FRMD3: variants seen among roughly 807,000 people sequenced by gnomAD.
FRMD3 encodes FERM domain-containing protein 3.
In FRMD3, 33 loss-of-function variants were observed where a neutral mutation model predicts 70.2. That is an observed-to-expected ratio of 0.47 (90% CI 0.36 to 0.63). The LOEUF is 0.63. Among genes scored for constraint, FRMD3 ranks in the 20% least tolerant of loss-of-function variants. The pLI is 0.00. For synonymous variants in FRMD3, 279 were observed against 255.9 expected (o/e 1.09, Z -0.86); for missense variants, 632 against 711.4 (o/e 0.89, Z 1.27).
At chr9:83,548,632 T>C in the FRMD3 span, among the ~76,000 whole-genome samples, 1 of 152,154 alleles carries the variant, frequency 6.6e-6, no homozygotes, top group South Asian at 2.1e-4. Context: ...TATTATTCTG[T>C]ATAATACTCC....
At chr9:83,334,263 A>G (rs1322514471) in intron 6 of FRMD3, among the ~76,000 whole-genome samples, 1 of 152,238 alleles carries the variant, frequency 6.6e-6, no homozygotes, top group African/African-American at 2.4e-5. Context: ...TTAGGAGACA[A>G]TACTCTAAAA....
At chr9:83,517,719 A>G (rs1829486158) in intron 1 of FRMD3, among the ~76,000 whole-genome samples, 1 of 152,176 alleles carries the variant, frequency 6.6e-6, no homozygotes, top group Admixed American at 6.5e-5. Flanking sequence ...CCTTATGAAC[A>G]TTGATGCGAA....
chr9:83,344,824 A>AGTGTGTGT (rs35538787), intron 4 of FRMD3, among the ~76,000 whole-genome samples: 6,223 of 143,964 alleles, frequency 0.043, 145 homozygotes, highest in Middle Eastern at 0.11. Flanking sequence ...TGCATGTGTG[A>AGTGTGTGT]GTGTGTGTGT....
At chr9:83,335,398 A>T in intron 6 of FRMD3, 118 bp downstream of exon 6, 1 of 1,111,076 alleles carries the variant, frequency 9.0e-7, no homozygotes, top group Non-Finnish European at 1.3e-6. Context: ...GCTGCCACGC[A>T]AAACAGCCTA....
At chr9:83,253,910 A>G (rs1278673918) in intron 13 of FRMD3, among the ~76,000 whole-genome samples, 1 of 152,222 alleles carries the variant, frequency 6.6e-6, no homozygotes, top group Non-Finnish European at 1.5e-5. Context: ...TGTGGCACAT[A>G]TACACCATGG....
At chr9:83,532,516 A>C (rs1363756224) in intron 1 of FRMD3, among the ~76,000 whole-genome samples, 1 of 151,784 alleles carries the variant, frequency 6.6e-6, no homozygotes, top group African/African-American at 2.4e-5. Context: ...ACATCTTACT[A>C]AACTCTCATG....
chr9:83,382,026 A>T (rs2131280650), intron 2 of FRMD3, among the ~76,000 whole-genome samples: 1 of 152,308 alleles, frequency 6.6e-6, no homozygotes, highest in Non-Finnish European at 1.5e-5. Context: ...TCAAAAAAAA[A>T]ATGATAGTTT....
At chr9:83,381,113 C>A (rs1024059808) in intron 2 of FRMD3, among the ~76,000 whole-genome samples, 1 of 152,194 alleles carries the variant, frequency 6.6e-6, no homozygotes, top group Non-Finnish European at 1.5e-5. Flanking sequence ...GATTATAAGG[C>A]TATAGCGAGG....
chr9:83,518,633 A>G (rs1428775486), intron 1 of FRMD3, among the ~76,000 whole-genome samples: 39 of 152,216 alleles, frequency 2.6e-4, no homozygotes, highest in Admixed American at 2.6e-3. Flanking sequence ...GAATTAGAAA[A>G]AACTACTTTA....
At chr9:83,329,812 AC>A (rs1410615446) in intron 6 of FRMD3, among the ~76,000 whole-genome samples, 5 of 152,162 alleles carry the variant, frequency 3.3e-5, no homozygotes, top group African/African-American at 1.2e-4. Context: ...ATGACCTATG[AC>A]TGAAGTTAAT....
downstream of FRMD3, among the ~76,000 whole-genome samples, chr9:83,243,985 G>A (rs2118429359): frequency 6.6e-6 from 1 of 152,212 alleles, no homozygotes; most frequent in East Asian, 1.9e-4. Context: ...AAAATTAGCT[G>A]GATGTGGTGG....
At chr9:83,436,583 T>C (rs910120684) in intron 1 of FRMD3, among the ~76,000 whole-genome samples, 2 of 151,896 alleles carry the variant, frequency 1.3e-5, no homozygotes, top group East Asian at 3.9e-4. Context: ...AAAAAAAATG[T>C]TGCTTATAAA....
chr9:83,518,957 G>C (rs1311215972), intron 1 of FRMD3, among the ~76,000 whole-genome samples: 2 of 152,076 alleles, frequency 1.3e-5, no homozygotes, highest in African/African-American at 4.8e-5. Context: ...ACCTGAAACT[G>C]GACCCCTTCC....
intron 3 of FRMD3, among the ~76,000 whole-genome samples, chr9:83,361,806 G>A (rs1177828870): frequency 6.6e-6 from 1 of 152,116 alleles, no homozygotes; most frequent in African/African-American, 2.4e-5. Context: ...GAAACATAGG[G>A]AGGCACCATG....
In FRMD3 at chr9:83,349,135, C is replaced by T. The variant is rs117349226; in HGVS notation, c.374+544G>A. On this transcript the variant is annotated intron_variant, in intron 4 of 13. Coordinates refer to ENST00000304195, the MANE Select transcript of FRMD3 (RefSeq NM_174938.6). ...AAGGAAGCCAAACCCCCAGAAGGTACGCTGAAGCTGTAGCCCCAACAGAGG... is the reference window on the plus strand; with the variant it reads ...AAGGAAGCCAAACCCCCAGAAGGTATGCTGAAGCTGTAGCCCCAACAGAGG... 6.7e-3 allele frequency among the ~76,000 whole-genome samples: 1,017 copies of T among 152,240 alleles called. 6 individuals carry two copies. Among genetic ancestry groups the T allele is most frequent in the Non-Finnish European group, 9.6e-3 (653 of 68,010 alleles).
intron 1 of FRMD3, among the ~76,000 whole-genome samples, chr9:83,526,349 A>G (rs1438825083): frequency 6.6e-6 from 1 of 152,226 alleles, no homozygotes; most frequent in East Asian, 1.9e-4. Flanking sequence ...CTGGAATGGC[A>G]TCGCCATTAC....
At chr9:83,569,790 T>A in the FRMD3 span, among the ~76,000 whole-genome samples, 2 of 152,246 alleles carry the variant, frequency 1.3e-5, no homozygotes, top group Non-Finnish European at 2.9e-5. Context: ...TAATTTAATA[T>A]ATACTTCAGC....
At chr9:83,451,054 G>A (rs980074264) in intron 1 of FRMD3, among the ~76,000 whole-genome samples, 5 of 152,030 alleles carry the variant, frequency 3.3e-5, no homozygotes, top group African/African-American at 7.3e-5. Flanking sequence ...CCTAAATCAC[G>A]AGCAATTTGT....
intron 1 of FRMD3, among the ~76,000 whole-genome samples, chr9:83,395,382 G>A (rs1587812783): frequency 6.6e-6 from 1 of 151,736 alleles, no homozygotes; most frequent in East Asian, 1.9e-4. Flanking sequence ...TCGTTATACA[G>A]GTAAACTTGT....
Sources: allele counts gnomAD v4.1 joint callset (sites outside exome capture counted in the v4.1 genomes callset), GRCh38; gene constraint gnomAD v4.1.1; transcripts MANE v1.5; gene names NCBI Gene and HGNC (gene_info 2026-07-23, HGNC 2026-07-21).